Variants in ZMYM3 observed in about 807,000 individuals in gnomAD.
ZMYM3 encodes zinc finger MYM-type containing 3.
Under a neutral mutation model 94.2 loss-of-function variants are expected in ZMYM3, and 6 were observed. That is an observed-to-expected ratio of 0.06 (90% CI 0.03 to 0.13). The LOEUF (loss-of-function observed/expected upper bound fraction) is 0.13, where lower values mean the gene tolerates loss of function less well. Ranked by LOEUF, ZMYM3 falls within the 10% of genes least tolerant of loss-of-function variation. The pLI is 1.00. For missense variants in ZMYM3, 664 were observed against 1,132.6 expected, an observed-to-expected ratio of 0.59 and a Z score of 5.94; for synonymous variants, 420 against 426.5, an observed-to-expected ratio of 0.98 and a Z score of 0.19.
chrX:71,247,605 T>C (rs1328075262), intron 12 of ZMYM3, 95 bp from the exon 13 acceptor site: 1 of 1,142,997 alleles, frequency 8.7e-7, no homozygotes, highest in Non-Finnish European at 1.2e-6. Flanking sequence ...CCCTTGGAGA[T>C]CGGGCCAGCT....
Position 71,249,149 on chromosome X carries a change from T to A in ZMYM3, c.1491A>T (p.Pro497=), listed in dbSNP as rs202044724. 6 of 1,209,941 alleles carry A rather than the reference T, an allele frequency of 5.0e-6. No homozygotes were observed. In the East Asian group the frequency reaches 1.8e-4, roughly 36 times the overall value. The part of the protein sequence containing the change: ...AYKKKNTRVY[P]CVWCKTLCKN... ...TACACAGGGTCTTGCACCAGACACA[T>A]GGGTACACACGTGTGTTTTTCTGTG... is the stretch of plus-strand genomic sequence containing the variant. The change falls in exon 8 of 25, where the codon CCA becomes CCT. Residue 497 remains proline (P), a synonymous_variant. Coordinates refer to ENST00000314425, the MANE Select transcript of ZMYM3 (RefSeq NM_201599.3).
Position 71,245,846 on chromosome X carries a change from G to T in ZMYM3, c.2686-4C>A, listed in dbSNP as rs200346647. On this transcript the variant is annotated splice_polypyrimidine_tract_variant and splice_region_variant and intron_variant, in intron 16 of 24. Coordinates refer to ENST00000314425, the MANE Select transcript of ZMYM3 (RefSeq NM_201599.3). ...GCAAGAACATGGGCACAGGCACCTG[G>T]AGGCACGAATCCCAACTAAATGCCA... is the stretch of plus-strand genomic sequence containing the variant. 8.3e-7 allele frequency: 1 copy of T among 1,205,312 alleles called. No homozygotes were observed. Among genetic ancestry groups the T allele is most frequent in the East Asian group, 3.0e-5 (1 of 33,616 alleles).
At position 71,248,246 on chromosome X, in the gene ZMYM3, A is replaced by G; in HGVS notation, c.1891T>C (p.Ser631Pro). ...TCCTGCCGACAGTGCTCACACTGGG[A>G]CACCACACCCCGAAGCCGCTTGAAG... ...EDFKRLRGVV[S>P]QCEHCRQEKL... Residue 631 changes from serine to proline, a missense_variant, in exon 11 of 25, where the codon TCC (serine) becomes CCC (proline). Around this residue, in one of 9 missense-constraint regions of ZMYM3, gnomAD observed 159 missense variants for 313.0 expected, o/e 0.51. Transcript: ENST00000314425. 8.3e-7 allele frequency: 1 copy of G among 1,209,816 alleles called. No individual in the cohort carries two copies. The highest frequency in any genetic ancestry group is 1.1e-6 in the Non-Finnish European group (1 of 894,457).
rs778034326 is a variant in ZMYM3 at position 71,244,285 on chromosome X, C to T, written c.3280+17G>A. 5.8e-6 allele frequency: 7 copies of T among 1,205,563 alleles called. No homozygotes were observed. The highest frequency in any genetic ancestry group is 4.6e-4 in the Middle Eastern group (2 of 4,363). On this transcript the variant is annotated intron_variant, in intron 20 of 24. Transcript: ENST00000314425. ...CCTGTCCCTGCCTCCCCACACCCCC[C>T]ATCCCCAAGTACTTACGGCCAAAGC...
At chrX:71,249,426 C>T in intron 7 of ZMYM3, 35 bp downstream of exon 7, 1 of 1,169,427 alleles carries the variant, frequency 8.6e-7, no homozygotes, top group East Asian at 3.2e-5. Context: ...CACCCCCTTC[C>T]ACAGCCCTCT....
At chrX:71,241,435 G>A (rs1007933654) in intron 23 of ZMYM3, 91 bp from the exon 24 acceptor site, 8 of 675,602 alleles carry the variant, frequency 1.2e-5, no homozygotes, top group Non-Finnish European at 1.1e-5. Flanking sequence ...GGGAGAAGGC[G>A]TCACGACACA....
At chrX:71,251,455 TAC>T in intron 3 of ZMYM3, 101 bp downstream of exon 3, 1 of 1,064,838 alleles carries the variant, frequency 9.4e-7, no homozygotes, top group Non-Finnish European at 1.3e-6. Context: ...TAACTCTCCT[TAC>T]ACACACTCTC....
At chrX:71,251,049 G>T (rs774639841) in intron 4 of ZMYM3, 129 bp downstream of exon 4, 17 of 697,880 alleles carry the variant, frequency 2.4e-5, no homozygotes, top group Non-Finnish European at 3.7e-5. Flanking sequence ...CCATAGCAGA[G>T]ACAGGCACTT....
rs755306109 is a variant in ZMYM3 at position 71,250,219 on chromosome X, G to A, written c.1074-16C>T. ...CCAGATCTCCCTAGAGGTGGGAACA[G>A]GTTTGAATATTCACTCAAGACCACC... is the stretch of plus-strand genomic sequence containing the variant. On this transcript the variant is annotated splice_polypyrimidine_tract_variant and intron_variant, in intron 5 of 24. Coordinates refer to ENST00000314425, the MANE Select transcript of ZMYM3 (RefSeq NM_201599.3). 11 of 1,149,978 alleles carry A rather than the reference G, an allele frequency of 9.6e-6. No individual in the cohort carries two copies. Among genetic ancestry groups the A allele is most frequent in the Non-Finnish European group, 1.3e-5 (11 of 866,149 alleles). 94.8% of individuals were successfully genotyped at this position (1,149,978 alleles called of 1,213,427 possible).
rs758758974 is a variant in ZMYM3, at chrX:71,250,605, G to A, written c.900C>T (p.Ala300=). Residue 300 remains alanine (A), a synonymous_variant, in exon 5 of 25, where the codon GCC becomes GCT. Transcript: ENST00000314425. ...MSLRSSVSQR[A]GRSAVGTKMT... ...TCTTGGTGCCCACTGCAGAGCGCCC[G>A]GCCCTTTGTGACACACTTGAGCGTA... 28 of 1,210,166 alleles carry A rather than the reference G, an allele frequency of 2.3e-5. No homozygotes were observed. The highest frequency in any genetic ancestry group is 3.0e-5 in the Non-Finnish European group (27 of 895,113).
At position 71,246,183 on chromosome X, in the gene ZMYM3, A is replaced by T; in HGVS notation, c.2573-85T>A. The T allele has an allele frequency of 3.7e-6, 4 of 1,087,723 alleles. No individual in the cohort carries two copies. The Admixed American group carries it at 9.7e-5, about 26-fold the overall frequency. The allele number at this position is 1,087,723 out of a possible 1,213,427, so 89.6% of individuals were successfully genotyped here. On this transcript the variant is annotated intron_variant, in intron 15 of 24. Coordinates refer to ENST00000314425, the MANE Select transcript of ZMYM3 (RefSeq NM_201599.3). ...CAAAAGCTCTAACATGCTCAGTGTCACAAAACTGCCCTTGAATCAAAGGCT... is the reference window on the plus strand; with the variant it reads ...CAAAAGCTCTAACATGCTCAGTGTCTCAAAACTGCCCTTGAATCAAAGGCT...
rs780798985 is a variant in ZMYM3, at chrX:71,252,658, C to T, written c.598G>A (p.Gly200Arg). 4 of 1,171,695 alleles carry T rather than the reference C, an allele frequency of 3.4e-6. No individual in the cohort carries two copies. The highest frequency in any genetic ancestry group is 4.6e-6 in the Non-Finnish European group (4 of 877,857). Residue 200 changes from glycine to arginine, a missense_variant, in exon 2 of 25, where the codon GGG becomes AGG. Transcript: ENST00000314425. ...GTCTGAGAACTGTTGATTCCATCCC[C>T]CAGAGTCTCTCCCACTGAAGGGCTA... ...PPSPSVGETL[G>R]DGINSSQTKP... is the part of the protein sequence containing the mutation.
Position 71,248,795 on chromosome X carries a change from G to A in ZMYM3, c.1628C>T (p.Pro543Leu). Residue 543 changes from proline (P) to leucine (L), a missense_variant, in exon 9 of 25, where the codon CCC becomes CTC. Around this residue, in one of 9 missense-constraint regions of ZMYM3, gnomAD observed 159 missense variants for 313.0 expected, o/e 0.51. Transcript: ENST00000314425. ...KVKQAGLTGP[P>L]RPCSFCRRSL... ...GCGGCGGCAGAAGCTGCAGGGTCGG[G>A]GAGGGCCTGGGGCATAGAGAGAAAG... 2 of 1,197,031 alleles carry A rather than the reference G, an allele frequency of 1.7e-6. No homozygotes were observed. The highest frequency in any genetic ancestry group is 2.3e-6 in the Non-Finnish European group (2 of 886,367).
rs1349408979 is a variant in ZMYM3, at chrX:71,243,922, G to A, written c.3339C>T (p.Tyr1113=). The A allele has an allele frequency of 4.1e-6, 5 of 1,211,838 alleles. No individual in the cohort carries two copies. The highest frequency in any genetic ancestry group is 3.5e-5 in the African/African-American group (2 of 57,811). The change falls in exon 21 of 25, where the codon TAC becomes TAT. Residue 1113 remains tyrosine (Y), a synonymous_variant. Transcript: ENST00000314425. ...TTTCTCTCACAAACTGGGCCAGACC[G>A]TAGTTGAGCTCAGCAGCTGAGCAGG... is the stretch of plus-strand genomic sequence containing the variant. ...ILACSAAELN[Y]GLAQFVREIT... is the part of the protein sequence containing the mutation.
chrX:71,252,987 G>T lies in ZMYM3; in HGVS notation c.269C>A (p.Pro90His). 8.3e-7 allele frequency: 1 copy of T among 1,210,048 alleles called. No individual in the cohort carries two copies. Among genetic ancestry groups the T allele is most frequent in the Non-Finnish European group, 1.1e-6 (1 of 894,852 alleles). The change falls in exon 2 of 25, where the codon CCC becomes CAC. Residue 90 changes from proline to histidine, a missense_variant. This residue lies in a region of ZMYM3 where 196 missense variants were observed against 190.8 expected (regional missense o/e 1.03). Transcript: ENST00000314425. ...ACCGTGGTCCACCTCCGGGGGAGAGGGGGCTTTATAGAGCAGCCCCCCCAG... is the reference window on the plus strand; with the variant it reads ...ACCGTGGTCCACCTCCGGGGGAGAGTGGGCTTTATAGAGCAGCCCCCCCAG... ...LGLGGLLYKA[P>H]SPPEVDHGPE...
intron 21 of ZMYM3, 45 bp downstream of exon 21, chrX:71,243,784 G>A: frequency 1.7e-6 from 2 of 1,200,497 alleles, no homozygotes; most frequent in Non-Finnish European, 2.3e-6. Flanking sequence ...GACCCTGCCT[G>A]CTGTGTTAAG....
upstream of ZMYM3, chrX:71,254,587 C>T (rs962406729): frequency 1.8e-5 from 2 of 109,923 alleles, no homozygotes; most frequent in African/African-American, 3.3e-5. Flanking sequence ...GTCCCCTCCC[C>T]CTCCCCGTGT....
At chrX:71,251,869 A>G (rs1388714781) in intron 2 of ZMYM3, 1 of 750,937 alleles carries the variant, frequency 1.3e-6, no homozygotes, top group Non-Finnish European at 1.6e-6. Context: ...TTAAGGAAAC[A>G]CAGGTAATAT....
chrX:71,253,282 T>C lies in ZMYM3; in HGVS notation c.-19-8A>G. On this transcript the variant is annotated splice_polypyrimidine_tract_variant and splice_region_variant and intron_variant, in intron 1 of 24. Coordinates refer to ENST00000314425, the MANE Select transcript of ZMYM3 (RefSeq NM_201599.3). ...AGTATGGCTGGATATGTACTGCAGA[T>C]TAGGAGTAGAAGAGGGGGCAGTAGA... 1 of 1,126,705 alleles carries C rather than the reference T, an allele frequency of 8.9e-7. No homozygotes were observed. The highest frequency in any genetic ancestry group is 3.0e-5 in the Admixed American group (1 of 33,525). 92.9% of individuals were successfully genotyped at this position (1,126,705 alleles called of 1,213,427 possible). A position where few individuals can be genotyped will look rare whatever the true frequency, so the allele number is the denominator to read the frequency against.
Sources: gnomAD v4.1 joint callset for allele counts on GRCh38, gnomAD v4.1.1 for gene constraint, gnomAD v4.1.1 regional missense constraint, MANE v1.5 for transcripts, NCBI Gene and HGNC (gene_info 2026-07-23, HGNC 2026-07-21) for gene names.